The following HOXA13 variants were observed in gnomAD, a reference collection of about 807,000 sequenced individuals.
HOXA13 encodes the protein homeobox protein Hox-A13.
A neutral mutation model predicts 25.7 loss-of-function variants in HOXA13; 5 were observed. That is an observed-to-expected ratio of 0.19 (90% CI 0.10 to 0.41). The LOEUF (loss-of-function observed/expected upper bound fraction) is 0.41. Ranked by LOEUF, HOXA13 falls within the 10% of genes least tolerant of loss-of-function variation. HOXA13 has a pLI of 1.00. For missense variants in HOXA13, 557 were observed against 533.5 expected (o/e 1.04, Z -0.43); for synonymous variants, 284 against 241.1 (o/e 1.18, Z -1.65).
At chr7:27,199,099 G>A in intron 1 of HOXA13, 57 bp downstream of exon 1, 11 of 1,535,374 alleles carry the variant, frequency 7.2e-6, no homozygotes, top group Non-Finnish European at 9.7e-6. Flanking sequence ...GGGTGCGAGC[G>A]GAGAAGAAGC....
chr7:27,199,925 G>A lies in HOXA13; in HGVS notation c.153C>T (p.Ala51=). 9.0e-6 allele frequency: 11 copies of A among 1,223,900 alleles called. No homozygotes were observed. The highest frequency in any genetic ancestry group is 1.6e-5 in the African/African-American group (1 of 61,898). 75.8% of individuals were successfully genotyped at this position (1,223,900 alleles called of 1,614,324 possible). A position where few individuals can be genotyped will look rare whatever the true frequency, so the allele number is the denominator to read the frequency against. ...GGGGGAAGCCCCCGCCCCCGGCCCC[G>A]GCAGCCGCCGCCGCTGCAGCCGCTG... ...AAAAAAAAAA[A]GAGGGGFPHP... The change falls in exon 1 of 2, where the codon GCC becomes GCT. Residue 51 remains alanine, a synonymous_variant. Transcript: ENST00000649031.
In HOXA13 at chr7:27,199,336, C is replaced by T; in HGVS notation, c.742G>A (p.Gly248Ser). The T allele has an allele frequency of 2.5e-6, 4 of 1,614,150 alleles. No homozygotes were observed. Among genetic ancestry groups the T allele is most frequent in the Non-Finnish European group, 3.4e-6 (4 of 1,180,004 alleles). ...GPYHHHQPMP[G>S]YLDMPVVPGL... ...GGCACCACTGGCATATCCAGGTAGC[C>T]AGGCATGGGCTGATGGTGGTGGTAA... The change falls in exon 1 of 2, where the codon GGC (glycine) becomes AGC (serine). Residue 248 changes from glycine (G) to serine (S), a missense_variant. Gly to Ser is a moderately conservative substitution (Grantham distance 56). Coordinates refer to ENST00000649031, the MANE Select transcript of HOXA13 (RefSeq NM_000522.5).
rs935491344 is a variant in HOXA13, at chr7:27,194,406, A to G, written c.*3792T>C. The G allele has an allele frequency of 6.6e-6, 1 of 152,188 alleles. No homozygotes were observed. The highest frequency in any genetic ancestry group is 2.4e-5 in the African/African-American group (1 of 41,438). 9.4% of individuals were successfully genotyped at this position (152,188 alleles called of 1,614,324 possible). On this transcript the variant is annotated 3_prime_UTR_variant, in exon 2 of 2. Coordinates refer to ENST00000649031, the MANE Select transcript of HOXA13 (RefSeq NM_000522.5). ...ATTTTTATTTTCTTAATTCAGGAAG[A>G]GTTTTCTTTTTAGAAAAAAATACTT...
At position 27,197,877 on chromosome 7, in the gene HOXA13, C is replaced by A; in HGVS notation, c.*321G>T. On this transcript the variant is annotated 3_prime_UTR_variant, in exon 2 of 2. Coordinates refer to ENST00000649031, the MANE Select transcript of HOXA13 (RefSeq NM_000522.5). The stretch of plus-strand genomic sequence containing the variant: ...ACGCAGTGTCCTAAAATGTAACGAT[C>A]ACTTAAATACTTACAAGATTTCAGT... The A allele has an allele frequency of 2.3e-6, 1 of 425,678 alleles. No individual in the cohort carries two copies. The highest frequency in any genetic ancestry group is 2.6e-5 in the South Asian group (1 of 39,062). The allele number at this position is 425,678 out of a possible 1,614,324, so 26.4% of individuals were successfully genotyped here.
chr7:27,198,758 C>T (rs1254712151), intron 1 of HOXA13: 4 of 518,376 alleles, frequency 7.7e-6, no homozygotes, highest in South Asian at 2.3e-5. Context: ...CACTTCTGTG[C>T]CTGCCTCCTT....
Position 27,199,797 on chromosome 7 carries a change from G to A in HOXA13, c.281C>T (p.Pro94Leu), listed in dbSNP as rs1291417253. 1 of 1,019,264 alleles carries A rather than the reference G, an allele frequency of 9.8e-7. No homozygotes were observed. Among genetic ancestry groups the A allele is most frequent in the South Asian group, 3.5e-5 (1 of 28,716 alleles). The allele number at this position is 1,019,264 out of a possible 1,614,324, so 63.1% of individuals were successfully genotyped here. A position where few individuals can be genotyped will look rare whatever the true frequency, so the allele number is the denominator to read the frequency against. The change falls in exon 1 of 2, where the codon CCG becomes CTG. Residue 94 changes from proline to leucine, a missense_variant. Physicochemically the swap from Pro to Leu is moderately conservative, Grantham distance 98. Transcript: ENST00000649031. ...ANQCRNLMAH[P>L]APLAPGAASA... ...CGCGGCTCCTGGCGCCAAGGGCGCC[G>A]GGTGCGCCATCAGGTTGCGGCACTG... is the stretch of plus-strand genomic sequence containing the variant.
intron 1 of HOXA13, 134 bp downstream of exon 1, chr7:27,199,022 G>A: frequency 1.2e-6 from 1 of 815,336 alleles, no homozygotes; most frequent in Non-Finnish European, 1.9e-6. Flanking sequence ...GCCATGCTCG[G>A]GCTCCCAGGG....
rs1783991085 is a variant in HOXA13 at position 27,195,257 on chromosome 7, G to A, written c.*2941C>T. ...AAAGAAGTTGTGAGTCCTCAGGAGA[G>A]GTTGGAGAGGTTTCCGGCAGCCACT... On this transcript the variant is annotated 3_prime_UTR_variant, in exon 2 of 2. Transcript: ENST00000649031. The A allele has an allele frequency of 6.6e-6, 1 of 152,186 alleles. No individual in the cohort carries two copies. Among genetic ancestry groups the A allele is most frequent in the Non-Finnish European group, 1.5e-5 (1 of 68,028 alleles). 9.4% of individuals were successfully genotyped at this position (152,186 alleles called of 1,614,324 possible). A position where few individuals can be genotyped will look rare whatever the true frequency, so the allele number is the denominator to read the frequency against.
rs1307542423 is a variant in HOXA13 at position 27,199,292 on chromosome 7, G to T, written c.786C>A (p.Gly262=). 3.1e-6 allele frequency: 5 copies of T among 1,613,916 alleles called. No homozygotes were observed. The highest frequency in any genetic ancestry group is 4.2e-6 in the Non-Finnish European group (5 of 1,179,988). Residue 262 remains glycine, a synonymous_variant, in exon 1 of 2, where the codon GGC becomes GGA. Coordinates refer to ENST00000649031, the MANE Select transcript of HOXA13 (RefSeq NM_000522.5). ...MPVVPGLGGP[G]ESRHEPLGLP... ...GACCCAAGGGTTCGTGGCGCGACTC[G>T]CCGGGGCCCCCGAGGCCCGGCACCA...
Position 27,199,543 on chromosome 7 carries a change from A to G in HOXA13, c.535T>C (p.Tyr179His). Residue 179 changes from tyrosine to histidine, a missense_variant, in exon 1 of 2, where the codon TAC (tyrosine) becomes CAC (histidine). Tyr to His is a moderately conservative substitution (Grantham distance 83). Coordinates refer to ENST00000649031, the MANE Select transcript of HOXA13 (RefSeq NM_000522.5). The part of the protein sequence containing the change: ...LPYGYFGSGY[Y>H]PCARMGPHPN... Reference sequence around the variant, plus strand: ...TGCGGGCCCATGCGGGCGCACGGGTAGTAGCCGCTGCCGAAGTAGCCATAG... The same window carrying G: ...TGCGGGCCCATGCGGGCGCACGGGTGGTAGCCGCTGCCGAAGTAGCCATAG... 6.3e-6 allele frequency: 10 copies of G among 1,576,902 alleles called. No homozygotes were observed. Among genetic ancestry groups the G allele is most frequent in the African/African-American group, 1.4e-5 (1 of 73,926 alleles).
At position 27,194,506 on chromosome 7, in the gene HOXA13, G is replaced by A. The variant is rs1262837520; in HGVS notation, c.*3692C>T. 5.9e-5 allele frequency: 9 copies of A among 152,112 alleles called. No homozygotes were observed. The highest frequency in any genetic ancestry group is 1.0e-4 in the Non-Finnish European group (7 of 68,056). The allele number at this position is 152,112 out of a possible 1,614,324, so 9.4% of individuals were successfully genotyped here. On this transcript the variant is annotated 3_prime_UTR_variant, in exon 2 of 2. Transcript: ENST00000649031. ...ATTCCTATTTTTCAGGAGGTGGCTG[G>A]TCTCTCCTTGATTTTTGTTTTTGTT...
rs1214245947 is a variant in HOXA13 at position 27,197,204 on chromosome 7, T to G, written c.*994A>C. On this transcript the variant is annotated 3_prime_UTR_variant, in exon 2 of 2. Transcript: ENST00000649031. ...ATATAGAATATAGACACCTAAATAT[T>G]TCAGGGGAATGAATTTTCATTCTGA... 1 of 206,094 alleles carries G rather than the reference T, an allele frequency of 4.9e-6. No homozygotes were observed. The highest frequency in any genetic ancestry group is 2.3e-5 in the African/African-American group (1 of 43,862). 12.8% of individuals were successfully genotyped at this position (206,094 alleles called of 1,614,324 possible).
In HOXA13 at chr7:27,199,942, C is replaced by T; in HGVS notation, c.136G>A (p.Ala46Thr). Residue 46 changes from alanine to threonine, a missense_variant, in exon 1 of 2, where the codon GCA becomes ACA. Transcript: ENST00000649031. ...EGAAAAAAAA[A>T]AAAAAGAGGG... ...CCGGCCCCGGCAGCCGCCGCCGCTG[C>T]AGCCGCTGCTGCAGCCGCCGCCGCC... is the stretch of plus-strand genomic sequence containing the variant. The T allele has an allele frequency of 1.5e-6, 2 of 1,305,698 alleles. No individual in the cohort carries two copies. The highest frequency in any genetic ancestry group is 2.0e-6 in the Non-Finnish European group (2 of 1,005,334). 80.9% of individuals were successfully genotyped at this position (1,305,698 alleles called of 1,614,324 possible).
rs758136181 is a variant in HOXA13, at chr7:27,199,191, G to T, written c.887C>A (p.Ala296Glu). 1 of 1,612,798 alleles carries T rather than the reference G, an allele frequency of 6.2e-7. No individual in the cohort carries two copies. Among genetic ancestry groups the T allele is most frequent in the East Asian group, 2.2e-5 (1 of 44,844 alleles). ...GGACTTCCAGAGGTGGGGAGGCTGC[G>T]CCTGCTCTTTGGGGCAGTACATTTG... ...NGQMYCPKEQ[A>E]QPPHLWKSTL... The change falls in exon 1 of 2, where the codon GCG becomes GAG. Residue 296 changes from alanine (A) to glutamate (E), a missense_variant. Transcript: ENST00000649031.
chr7:27,199,794 G>T lies in HOXA13; in HGVS notation c.284C>A (p.Ala95Glu), dbSNP rs1354582897. 2 of 1,019,690 alleles carry T rather than the reference G, an allele frequency of 2.0e-6. No individual in the cohort carries two copies. Among genetic ancestry groups the T allele is most frequent in the South Asian group, 6.9e-5 (2 of 28,796 alleles). 63.2% of individuals were successfully genotyped at this position (1,019,690 alleles called of 1,614,324 possible). Reference protein sequence around the residue: ...NQCRNLMAHPAPLAPGAASAY... With the variant: ...NQCRNLMAHPEPLAPGAASAY... ...GGACGCGGCTCCTGGCGCCAAGGGC[G>T]CCGGGTGCGCCATCAGGTTGCGGCA... Residue 95 changes from alanine to glutamate, a missense_variant, in exon 1 of 2, where the codon GCG (alanine) becomes GAG (glutamate). Physicochemically the swap from Ala to Glu is moderately radical, Grantham distance 107. Coordinates refer to ENST00000649031, the MANE Select transcript of HOXA13 (RefSeq NM_000522.5).
rs1784008364 is a variant in HOXA13 at position 27,196,763 on chromosome 7, T to C, written c.*1435A>G. ...CTTAAAAATTTGGTAGCAAAAGAAG[T>C]ACTGAATAATAATAAAGAATGGTCC... On this transcript the variant is annotated 3_prime_UTR_variant, in exon 2 of 2. Transcript: ENST00000649031. The C allele has an allele frequency of 6.1e-6, 1 of 163,212 alleles. No individual in the cohort carries two copies. The highest frequency in any genetic ancestry group is 1.3e-5 in the Non-Finnish European group (1 of 74,182). The allele number at this position is 163,212 out of a possible 1,614,324, so 10.1% of individuals were successfully genotyped here.
At position 27,199,686 on chromosome 7, in the gene HOXA13, G is replaced by C; in HGVS notation, c.392C>G (p.Ala131Gly). The C allele has an allele frequency of 1.8e-6, 2 of 1,133,286 alleles. No homozygotes were observed. Among genetic ancestry groups the C allele is most frequent in the Admixed American group, 4.9e-5 (1 of 20,288 alleles). The allele number at this position is 1,133,286 out of a possible 1,614,324, so 70.2% of individuals were successfully genotyped here. A position where few individuals can be genotyped will look rare whatever the true frequency, so the allele number is the denominator to read the frequency against. Residue 131 changes from alanine to glycine, a missense_variant, in exon 1 of 2, where the codon GCC becomes GGC. Physicochemically the swap from Ala to Gly is moderately conservative, Grantham distance 60. Transcript: ENST00000649031. Reference protein sequence around the residue: ...AAAAAAAAAAAAASSSGGPGP... With the variant: ...AAAAAAAAAAGAASSSGGPGP... ...GGGACCTCCCGAGGACGACGCGGCG[G>C]CGGCGGCGGCGGCTGCAGCGGCAGC...
At chr7:27,198,583 C>T (rs1784035331) in intron 1 of HOXA13, 141 bp from the exon 2 acceptor site, 1 of 977,648 alleles carries the variant, frequency 1.0e-6, no homozygotes. Context: ...TCTGCTAAAG[C>T]CTAGAGGGTC....
In HOXA13 at chr7:27,198,065, G is replaced by A; in HGVS notation, c.*133C>T. 9.8e-7 allele frequency: 1 copy of A among 1,024,086 alleles called. No homozygotes were observed. Among genetic ancestry groups the A allele is most frequent in the Non-Finnish European group, 1.5e-6 (1 of 671,948 alleles). The allele number at this position is 1,024,086 out of a possible 1,614,324, so 63.4% of individuals were successfully genotyped here. On this transcript the variant is annotated 3_prime_UTR_variant, in exon 2 of 2. Transcript: ENST00000649031. ...AGAGAAAGAGATCTCCTTCGGGAGA[G>A]GAAAATGCCAGTCTCTGTCTCTTTC...
Sources: gnomAD v4.1 joint callset for allele counts on GRCh38, gnomAD v4.1.1 for gene constraint, MANE v1.5 for transcripts, NCBI Gene and HGNC (gene_info 2026-07-23, HGNC 2026-07-21) for gene names.